The following CREB5 variants were observed in gnomAD, a reference collection of about 807,000 sequenced individuals.
CREB5 encodes the protein cyclic AMP-responsive element-binding protein 5.
CREB5 carries 19 observed loss-of-function variants against 57.1 expected under a neutral mutation model. The ratio of observed to expected loss-of-function variants is 0.33; its 90% CI spans 0.23 to 0.49. The LOEUF (loss-of-function observed/expected upper bound fraction) is 0.49. CREB5 is among the 20% of genes least tolerant of loss of function. CREB5 has a pLI of 0.99. For synonymous variants in CREB5, 238 were observed against 238.3 expected, an observed-to-expected ratio of 1.00 and a Z score of 0.01; for missense variants, 579 against 671.6, an observed-to-expected ratio of 0.86 and a Z score of 1.52.
chr7:28,809,547 C>T (rs760811800), intron 9 of CREB5, 133 bp downstream of exon 9: 18 of 776,918 alleles, frequency 2.3e-5, no homozygotes, highest in Non-Finnish European at 3.2e-5. Flanking sequence ...CAGCCCCACT[C>T]CTCGAGTTTT....
chr7:28,698,447 C>A (rs1016497935), intron 5 of CREB5, among the ~76,000 whole-genome samples: 3 of 151,514 alleles, frequency 2.0e-5, no homozygotes, highest in Non-Finnish European at 4.4e-5. Context: ...CCCCACGACT[C>A]AAAAATACAT....
intron 6 of CREB5, among the ~76,000 whole-genome samples, chr7:28,720,018 C>G (rs10237352): frequency 1.3e-5 from 2 of 152,194 alleles, no homozygotes; most frequent in African/African-American, 4.8e-5. Flanking sequence ...TGAGATCACA[C>G]CACTGCACTC....
chr7:28,758,540 A>G (rs1268326746), intron 7 of CREB5, among the ~76,000 whole-genome samples: 1 of 152,218 alleles, frequency 6.6e-6, no homozygotes, highest in Non-Finnish European at 1.5e-5. Context: ...AGATCAAACC[A>G]TAGCCCCATG....
At position 28,669,548 on chromosome 7, in the gene CREB5, A is replaced by G. The variant is rs553119546; in HGVS notation, c.465-49205A>G. On this transcript the variant is annotated intron_variant, in intron 5 of 10. Coordinates refer to ENST00000357727, the MANE Select transcript of CREB5 (RefSeq NM_182898.4). ...ATGAGGGGAAGCTGGTGGAGGGCATACAGGAAGGCTCTGCTCTAGGCTTAC... is the reference window on the plus strand; with the variant it reads ...ATGAGGGGAAGCTGGTGGAGGGCATGCAGGAAGGCTCTGCTCTAGGCTTAC... Among the ~76,000 whole-genome samples the G allele has an allele frequency of 3.9e-5, 6 of 152,342 alleles. No homozygotes were observed. In the South Asian group the frequency reaches 1.2e-3, roughly 32 times the overall value.
chr7:28,697,219 A>C (rs1160559978), intron 5 of CREB5, among the ~76,000 whole-genome samples: 1 of 152,202 alleles, frequency 6.6e-6, no homozygotes, highest in Admixed American at 6.5e-5. Context: ...CCAATTTCTC[A>C]TGAATTGGCC....
chr7:28,327,729 A>G (rs184143147), intron 1 of CREB5, among the ~76,000 whole-genome samples: 85 of 152,250 alleles, frequency 5.6e-4, no homozygotes, highest in African/African-American at 2.0e-3. Flanking sequence ...CTTCCTTTTA[A>G]CATCTGTAAA....
chr7:28,743,860 T>A (rs1404011515), intron 7 of CREB5, among the ~76,000 whole-genome samples: 1 of 144,066 alleles, frequency 6.9e-6, no homozygotes. Context: ...TTTTTTTTTT[T>A]TTATTATACT....
chr7:28,566,279 A>G (rs1216033834), intron 4 of CREB5, among the ~76,000 whole-genome samples: 1 of 152,240 alleles, frequency 6.6e-6, no homozygotes, highest in Non-Finnish European at 1.5e-5. Context: ...TATCCAGAAC[A>G]TTAGCTATGC....
rs541514078 is a variant in CREB5 at position 28,795,163 on chromosome 7, C to T, written c.703-9036C>T. ...TTGATGTGTGCATTGCATAATGATG[C>T]TTTGCGAAGTCAAAATCCCCACACC... On this transcript the variant is annotated intron_variant, in intron 7 of 10. Transcript: ENST00000357727. 2.0e-5 allele frequency among the ~76,000 whole-genome samples: 3 copies of T among 152,294 alleles called. 1 individual carries two copies. In the South Asian group the frequency reaches 6.2e-4, roughly 32 times the overall value.
At chr7:28,309,463 C>T (rs1044756750) in intron 1 of CREB5, among the ~76,000 whole-genome samples, 7 of 152,162 alleles carry the variant, frequency 4.6e-5, no homozygotes, top group African/African-American at 1.4e-4. Flanking sequence ...TGTCCACTTT[C>T]CTCTGTATTT....
At chr7:28,697,995 A>G (rs1801661413) in intron 5 of CREB5, among the ~76,000 whole-genome samples, 1 of 152,228 alleles carries the variant, frequency 6.6e-6, no homozygotes, top group South Asian at 2.1e-4. Flanking sequence ...AGAGAAGCTC[A>G]TAAGACTTCT....
intron 5 of CREB5, among the ~76,000 whole-genome samples, chr7:28,610,559 G>T (rs1053817542): frequency 6.6e-6 from 1 of 152,162 alleles, no homozygotes; most frequent in Non-Finnish European, 1.5e-5. Context: ...CACAAGAACT[G>T]CATTGACAGG....
At chr7:28,410,206 C>T (rs1392891272), upstream of CREB5, 2 of 452,746 alleles carry the variant, frequency 4.4e-6, no homozygotes, top group Admixed American at 4.7e-5. Context: ...GGCTTTCGCT[C>T]CAGGCGCTCC....
intron 5 of CREB5, among the ~76,000 whole-genome samples, chr7:28,608,111 TCTCACACACACTCACACACA>T (rs1184635143): frequency 3.7e-5 from 4 of 109,450 alleles, no homozygotes; most frequent in African/African-American, 1.1e-4. Flanking sequence ...TCTCTCTCTC[TCTCACACACACTCACACACA>T]CACACACACA....
chr7:28,434,076 T>A (rs1043010950), intron 1 of CREB5, among the ~76,000 whole-genome samples: 5 of 152,012 alleles, frequency 3.3e-5, no homozygotes, highest in Non-Finnish European at 7.4e-5. Flanking sequence ...TTATGCCATT[T>A]AACTAATGAC....
At chr7:28,312,190 A>G in intron 1 of CREB5, among the ~76,000 whole-genome samples, 1 of 91,254 alleles carries the variant, frequency 1.1e-5, no homozygotes, top group South Asian at 3.5e-4. Flanking sequence ...TAGCTAATTG[A>G]TAAAAAAAAA....
intron 4 of CREB5, among the ~76,000 whole-genome samples, chr7:28,565,067 A>T (rs1795425809): frequency 6.6e-6 from 1 of 152,238 alleles, no homozygotes; most frequent in Non-Finnish European, 1.5e-5. Flanking sequence ...AAGGGTAGAC[A>T]AACTGGACTA....
intron 5 of CREB5, among the ~76,000 whole-genome samples, chr7:28,628,355 G>T (rs1027523537): frequency 2.6e-5 from 4 of 152,124 alleles, no homozygotes; most frequent in Non-Finnish European, 5.9e-5. Flanking sequence ...GACCACGCCT[G>T]CTTATTGTCT....
intron 2 of CREB5, among the ~76,000 whole-genome samples, chr7:28,489,183 C>CCT (rs1791693610): frequency 6.6e-6 from 1 of 151,866 alleles, no homozygotes; most frequent in Non-Finnish European, 1.5e-5. Context: ...TGGCGAGTTA[C>CCT]AGTCTTTCCC....
Sources: allele counts gnomAD v4.1 joint callset (sites outside exome capture counted in the v4.1 genomes callset), GRCh38; gene constraint gnomAD v4.1.1; transcripts MANE v1.5; gene names NCBI Gene and HGNC (gene_info 2026-07-23, HGNC 2026-07-21).